LRRC1: variants seen among roughly 807,000 people sequenced by gnomAD.
The protein encoded by LRRC1 is leucine rich repeat containing 1, also known as leucine-rich repeat-containing protein 1.
LRRC1 carries 28 observed loss-of-function variants against 69.9 expected under a neutral mutation model. That is an observed-to-expected ratio of 0.40 (90% CI 0.30 to 0.55). LRRC1 has a LOEUF of 0.55. Among genes scored for constraint, LRRC1 ranks in the 20% least tolerant of loss-of-function variants. The pLI, the probability that LRRC1 is intolerant of heterozygous loss-of-function variation, is 0.47. For missense variants in LRRC1, 498 were observed against 609.0 expected (o/e 0.82, Z 1.92); for synonymous variants, 236 against 240.2 (o/e 0.98, Z 0.16).
At chr6:53,831,514 T>A (rs540424904) in intron 1 of LRRC1, among the ~76,000 whole-genome samples, 6 of 152,328 alleles carry the variant, frequency 3.9e-5, no homozygotes, top group African/African-American at 1.4e-4. Context: ...TTGCAGTTTG[T>A]TAAGAGATGA....
intron 1 of LRRC1, among the ~76,000 whole-genome samples, chr6:53,839,407 ACTT>A (rs759561185): frequency 6.6e-6 from 1 of 152,184 alleles, no homozygotes; most frequent in Non-Finnish European, 1.5e-5. Flanking sequence ...CTTAGTAGAG[ACTT>A]CTTCATTTGT....
In LRRC1 at chr6:53,919,569, A is replaced by T; in HGVS notation, c.1178A>T (p.Gln393Leu). 1 of 1,613,556 alleles carries T rather than the reference A, an allele frequency of 6.2e-7. No homozygotes were observed. The highest frequency in any genetic ancestry group is 1.1e-5 in the South Asian group (1 of 91,042). ...KALWLSDNQS[Q>L]PLLTFQTDTD... ...CTGTGGCTATCTGACAACCAGTCCC[A>T]GCCCCTGCTTACATTCCAGACAGAC... The change falls in exon 12 of 14, where the codon CAG (glutamine) becomes CTG (leucine). Residue 393 changes from glutamine (Q) to leucine (L), a missense_variant. Physicochemically the swap from Gln to Leu is moderately radical, Grantham distance 113 (BLOSUM62 -2). This residue lies in a region of LRRC1 where 162 missense variants were observed against 162.9 expected (regional missense o/e 0.99). Coordinates refer to ENST00000370888, the MANE Select transcript of LRRC1 (RefSeq NM_018214.5).
At chr6:53,856,271 G>A (rs1766305807) in intron 2 of LRRC1, among the ~76,000 whole-genome samples, 1 of 152,180 alleles carries the variant, frequency 6.6e-6, no homozygotes, top group African/African-American at 2.4e-5. Context: ...CATGAATTTG[G>A]GTTCTGTGCT....
Position 53,922,981 on chromosome 6 carries a change from G to A in LRRC1, c.*188G>A, listed in dbSNP as rs894566875. 11 of 503,994 alleles carry A rather than the reference G, an allele frequency of 2.2e-5. No homozygotes were observed. Among genetic ancestry groups the A allele is most frequent in the African/African-American group, 2.1e-4 (11 of 52,024 alleles). 31.2% of individuals were successfully genotyped at this position (503,994 alleles called of 1,614,324 possible). On this transcript the variant is annotated 3_prime_UTR_variant, in exon 14 of 14. Transcript: ENST00000370888. Reference sequence around the variant, plus strand: ...TCCCGCAACCAGTCAGCGCACCAGTGGTCTCCCGGTGTGATTTTTTTTTTT... The same window carrying A: ...TCCCGCAACCAGTCAGCGCACCAGTAGTCTCCCGGTGTGATTTTTTTTTTT...
chr6:53,830,186 C>T (rs933025248), intron 1 of LRRC1, among the ~76,000 whole-genome samples: 1 of 152,230 alleles, frequency 6.6e-6, no homozygotes, highest in African/African-American at 2.4e-5. Context: ...GTGTTAGTTC[C>T]ACATCTTACG....
chr6:53,861,250 C>T (rs1037809454), intron 2 of LRRC1, among the ~76,000 whole-genome samples: 1 of 151,754 alleles, frequency 6.6e-6, no homozygotes, highest in Non-Finnish European at 1.5e-5. Context: ...ATTCACCTAC[C>T]TGCATGTAGG....
At chr6:53,896,463 C>G (rs944667393) in intron 4 of LRRC1, 35 bp from the exon 5 acceptor site, 27 of 1,580,656 alleles carry the variant, frequency 1.7e-5, no homozygotes, top group Non-Finnish European at 2.3e-5. Flanking sequence ...TCAGGAATTT[C>G]TCTTATGCTT....
At chr6:53,884,326 G>A (rs1767398315) in intron 4 of LRRC1, among the ~76,000 whole-genome samples, 1 of 151,836 alleles carries the variant, frequency 6.6e-6, no homozygotes, top group South Asian at 2.1e-4. Flanking sequence ...GCAACATGAC[G>A]ATAACCCATC....
At chr6:53,891,520 A>G (rs1472247256) in intron 4 of LRRC1, among the ~76,000 whole-genome samples, 2 of 135,916 alleles carry the variant, frequency 1.5e-5, no homozygotes, top group Non-Finnish European at 3.1e-5. Context: ...CCTTTCTTGT[A>G]AAAAAAAAAA....
intron 10 of LRRC1, among the ~76,000 whole-genome samples, chr6:53,909,285 G>C (rs1336690347): frequency 2.6e-5 from 4 of 152,204 alleles, no homozygotes; most frequent in Non-Finnish European, 5.9e-5. Context: ...ACTGAGAGAG[G>C]TTAAGTCACT....
intron 1 of LRRC1, among the ~76,000 whole-genome samples, chr6:53,805,689 A>G (rs1181844882): frequency 1.3e-5 from 2 of 152,204 alleles, no homozygotes; most frequent in South Asian, 4.1e-4. Context: ...TACTCTGTAG[A>G]CAGTGCTGAG....
At chr6:53,922,543 A>G in intron 13 of LRRC1, 92 bp from the exon 14 acceptor site, 2 of 1,170,500 alleles carry the variant, frequency 1.7e-6, no homozygotes, top group Non-Finnish European at 2.4e-6. Flanking sequence ...AGAAGGTAAC[A>G]TTTGTATTGG....
intron 9 of LRRC1, among the ~76,000 whole-genome samples, chr6:53,903,323 C>A (rs1768122902): frequency 6.7e-6 from 1 of 149,936 alleles, no homozygotes; most frequent in South Asian, 2.2e-4. Context: ...TCCCACCAGA[C>A]AAGGGCAGGG....
At chr6:53,826,090 C>T (rs1478383134) in intron 1 of LRRC1, among the ~76,000 whole-genome samples, 1 of 151,798 alleles carries the variant, frequency 6.6e-6, no homozygotes, top group Non-Finnish European at 1.5e-5. Context: ...AAAGAACACA[C>T]TAGGTCAGAG....
intron 2 of LRRC1, among the ~76,000 whole-genome samples, chr6:53,860,071 C>T (rs1766445835): frequency 6.6e-6 from 1 of 152,206 alleles, no homozygotes; most frequent in Admixed American, 6.5e-5. Context: ...TGCTTTAGGA[C>T]ATAGAAATTG....
intron 1 of LRRC1, among the ~76,000 whole-genome samples, chr6:53,837,632 A>G (rs1765650838): frequency 6.6e-6 from 1 of 152,124 alleles, no homozygotes; most frequent in African/African-American, 2.4e-5. Flanking sequence ...TCTATATTGC[A>G]GAGGAGAAGT....
chr6:53,818,142 T>C (rs1007504804), intron 1 of LRRC1, among the ~76,000 whole-genome samples: 5 of 152,226 alleles, frequency 3.3e-5, no homozygotes, highest in Admixed American at 2.6e-4. Context: ...CCTTTGCATC[T>C]TTCCAGAAAT....
intron 4 of LRRC1, among the ~76,000 whole-genome samples, chr6:53,895,341 T>A (rs932050195): frequency 6.6e-6 from 1 of 152,252 alleles, no homozygotes; most frequent in South Asian, 2.1e-4. Flanking sequence ...ACAGTTAAAA[T>A]ATATTTTCTG....
intron 11 of LRRC1, among the ~76,000 whole-genome samples, chr6:53,917,015 C>T (rs1768586669): frequency 6.6e-6 from 1 of 152,150 alleles, no homozygotes. Flanking sequence ...TGCCTGCGGG[C>T]TGTGGTTTCT....
Sources: allele counts gnomAD v4.1 joint callset (sites outside exome capture counted in the v4.1 genomes callset), GRCh38; gene constraint gnomAD v4.1.1; regional missense constraint gnomAD v4.1.1; transcripts MANE v1.5; gene names NCBI Gene and HGNC (gene_info 2026-07-23, HGNC 2026-07-21).